TRABD2B: variants seen among roughly 807,000 people sequenced by gnomAD.
The protein encoded by TRABD2B is TraB domain containing 2B.
A neutral mutation model predicts 40.1 loss-of-function variants in TRABD2B; 14 were observed. That is an observed-to-expected ratio of 0.35 (90% CI 0.23 to 0.55). TRABD2B has a LOEUF of 0.55. TRABD2B is among the 20% of genes least tolerant of loss of function. The probability of loss-of-function intolerance (pLI) is 0.90; values close to 1 mark genes in which losing one functional copy is unlikely to be tolerated. For missense variants in TRABD2B, 541 were observed against 648.6 expected (o/e 0.83, Z 1.80); for synonymous variants, 263 against 277.0 (o/e 0.95, Z 0.50).
intron 2 of TRABD2B, among the ~76,000 whole-genome samples, chr1:47,820,457 A>G (rs1645090412): frequency 6.6e-6 from 1 of 152,198 alleles, no homozygotes; most frequent in Non-Finnish European, 1.5e-5. Flanking sequence ...ACATGTTTAG[A>G]CAGACCGTGG....
chr1:47,931,951 T>A (rs1381142540), intron 2 of TRABD2B, among the ~76,000 whole-genome samples: 1 of 152,204 alleles, frequency 6.6e-6, no homozygotes, highest in African/African-American at 2.4e-5. Context: ...TCTGAGAATG[T>A]CTCTGAGAAT....
At chr1:47,977,764 G>C (rs889131929) in intron 2 of TRABD2B, among the ~76,000 whole-genome samples, 5 of 151,898 alleles carry the variant, frequency 3.3e-5, no homozygotes, top group African/African-American at 1.2e-4. Context: ...GGAAATGAGG[G>C]GGAATTGAAA....
intron 2 of TRABD2B, among the ~76,000 whole-genome samples, chr1:47,977,176 G>A (rs1482567073): frequency 6.6e-6 from 1 of 151,260 alleles, no homozygotes; most frequent in Non-Finnish European, 1.5e-5. Flanking sequence ...AGGTTCAAGT[G>A]ATGCTTATGC....
intron 2 of TRABD2B, among the ~76,000 whole-genome samples, chr1:47,823,390 A>G (rs943119551): frequency 4.6e-5 from 7 of 152,076 alleles, no homozygotes; most frequent in African/African-American, 1.4e-4. Context: ...GGAAGAGGAG[A>G]GGCTTCAGAG....
intron 2 of TRABD2B, among the ~76,000 whole-genome samples, chr1:47,856,895 G>C (rs1162570416): frequency 6.6e-6 from 1 of 152,260 alleles, no homozygotes; most frequent in Non-Finnish European, 1.5e-5. Context: ...AAAGGAAAAG[G>C]AAAAGGAAAA....
At chr1:47,970,342 T>C (rs1397569701) in intron 2 of TRABD2B, among the ~76,000 whole-genome samples, 1 of 152,136 alleles carries the variant, frequency 6.6e-6, no homozygotes, top group Non-Finnish European at 1.5e-5. Context: ...ATTTTCAAAT[T>C]TACCCTTCTA....
At chr1:47,904,778 A>T (rs940065303) in intron 2 of TRABD2B, among the ~76,000 whole-genome samples, 18 of 152,208 alleles carry the variant, frequency 1.2e-4, no homozygotes, top group Non-Finnish European at 1.8e-4. Flanking sequence ...AAATTCCACC[A>T]TTAACACTGT....
At chr1:47,773,814 C>G (rs1367230703) in intron 6 of TRABD2B, among the ~76,000 whole-genome samples, 1 of 152,192 alleles carries the variant, frequency 6.6e-6, no homozygotes, top group Non-Finnish European at 1.5e-5. Context: ...ACCCAAGGTT[C>G]TCTGAAACCA....
At chr1:47,948,403 G>A (rs890884917) in intron 2 of TRABD2B, among the ~76,000 whole-genome samples, 3 of 152,180 alleles carry the variant, frequency 2.0e-5, no homozygotes, top group Non-Finnish European at 2.9e-5. Flanking sequence ...GCTGTGCTTA[G>A]AGCACCTGGT....
intron 2 of TRABD2B, among the ~76,000 whole-genome samples, chr1:47,967,336 AAC>A (rs56776440): frequency 0.52 from 76,562 of 146,970 alleles, 19,875 homozygotes; most frequent in Middle Eastern, 0.64. Flanking sequence ...TAAGCAAGAA[AAC>A]ACACACACAC....
In TRABD2B at chr1:47,794,668, C is replaced by T. The variant is rs773200608; in HGVS notation, c.906G>A (p.Lys302=). 23 of 1,536,554 alleles carry T rather than the reference C, an allele frequency of 1.5e-5. No individual in the cohort carries two copies. In the African/African-American group the frequency reaches 3.0e-4, roughly 20 times the overall value. ...DSYFRQELIY[K]RNERMGKRVM... ...CCCTCTTCCCCATGCGCTCATTCCT[C>T]TTGTAGATGAGCTCCTGGCGGAAGT... The change falls in exon 4 of 7, where the codon AAG becomes AAA. Residue 302 remains lysine, a synonymous_variant. Coordinates refer to ENST00000606738, the MANE Select transcript of TRABD2B (RefSeq NM_001194986.2).
intron 2 of TRABD2B, among the ~76,000 whole-genome samples, chr1:47,966,071 T>C (rs1272773848): frequency 1.3e-5 from 2 of 152,208 alleles, no homozygotes; most frequent in Non-Finnish European, 2.9e-5. Flanking sequence ...CAAAAAGGCC[T>C]ATTAAGTCCT....
chr1:47,815,562 C>T (rs922083180), intron 2 of TRABD2B, among the ~76,000 whole-genome samples: 14 of 152,180 alleles, frequency 9.2e-5, no homozygotes, highest in African/African-American at 2.9e-4. Context: ...CACCACTTGT[C>T]CACAGCCCAA....
intron 2 of TRABD2B, among the ~76,000 whole-genome samples, chr1:47,966,902 C>CTAAAA (rs1645611202): frequency 3.0e-5 from 1 of 32,892 alleles, no homozygotes; most frequent in Non-Finnish European, 5.4e-5. Flanking sequence ...AAGACTCTGT[C>CTAAAA]TCAAATAAAA....
At chr1:47,814,735 C>T (rs1262020616) in intron 2 of TRABD2B, among the ~76,000 whole-genome samples, 1 of 152,168 alleles carries the variant, frequency 6.6e-6, no homozygotes, top group Non-Finnish European at 1.5e-5. Flanking sequence ...TGCGTGGGAC[C>T]CGCCTGGGAC....
chr1:47,816,490 T>C (rs1325537909), intron 2 of TRABD2B, among the ~76,000 whole-genome samples: 1 of 152,210 alleles, frequency 6.6e-6, no homozygotes, highest in African/African-American at 2.4e-5. Context: ...ATATAGTTTT[T>C]TTGAATGTGC....
intron 2 of TRABD2B, among the ~76,000 whole-genome samples, chr1:47,907,235 G>T (rs971125494): frequency 6.6e-6 from 1 of 152,198 alleles, no homozygotes; most frequent in African/African-American, 2.4e-5. Flanking sequence ...CATGACCAGG[G>T]ATTTGTTCAT....
rs918460893 is a variant in TRABD2B at position 47,813,098 on chromosome 1, C to T, written c.667-11479G>A. ...TTCGAGGCATGTCATTTTTATTTTC[C>T]CTGCTGTCTCAGACCTGCCCTGCTG... On this transcript the variant is annotated intron_variant, in intron 2 of 6. Transcript: ENST00000606738. This position sits in a 1 kb window ranked among gnomAD's most constrained non-coding sequence, Gnocchi z 4.3. 6.6e-5 allele frequency among the ~76,000 whole-genome samples: 10 copies of T among 152,162 alleles called. No individual in the cohort carries two copies. The highest frequency in any genetic ancestry group is 1.3e-4 in the Non-Finnish European group (9 of 68,044).
At chr1:47,925,687 C>T (rs1407105248) in intron 2 of TRABD2B, among the ~76,000 whole-genome samples, 2 of 152,212 alleles carry the variant, frequency 1.3e-5, no homozygotes, top group Non-Finnish European at 2.9e-5. Context: ...AAGTGTTTCT[C>T]TCAGAGTTCA....
Sources: allele counts gnomAD v4.1 joint callset (sites outside exome capture counted in the v4.1 genomes callset), GRCh38; gene constraint gnomAD v4.1.1; non-coding constraint Gnocchi (gnomAD v3.1); transcripts MANE v1.5; gene names NCBI Gene and HGNC (gene_info 2026-07-23, HGNC 2026-07-21).